The following WNT16 variants were observed in gnomAD, a reference collection of about 807,000 sequenced individuals.
WNT16 encodes the protein protein Wnt-16.
WNT16 carries 20 observed loss-of-function variants against 35.4 expected under a neutral mutation model. That is an observed-to-expected ratio of 0.56 (90% CI 0.40 to 0.82). WNT16 has a LOEUF of 0.82. Ranked by LOEUF, WNT16 falls within the 40% of genes least tolerant of loss-of-function variation. The pLI is 0.00. For synonymous variants in WNT16, 180 were observed against 179.2 expected (o/e 1.00, Z -0.03); for missense variants, 461 against 466.0 (o/e 0.99, Z 0.10).
rs1793353360 is a variant in WNT16, at chr7:121,331,823, C to A, written c.492C>A (p.His164Gln). Reference protein sequence around the residue: ...QNGGSASEGWHWGGCSDDVQY... With the variant: ...QNGGSASEGWQWGGCSDDVQY... ...GCGGCTCAGCAAGTGAAGGCTGGCA[C>A]TGGGGGGGCTGCTCCGATGATGTCC... The change falls in exon 3 of 4, where the codon CAC (histidine) becomes CAA (glutamine). Residue 164 changes from histidine (H) to glutamine (Q), a missense_variant. His to Gln is a conservative substitution (Grantham distance 24, BLOSUM62 0). Transcript: ENST00000222462. The A allele has an allele frequency of 6.2e-7, 1 of 1,614,156 alleles. No individual in the cohort carries two copies. Among genetic ancestry groups the A allele is most frequent in the Non-Finnish European group, 8.5e-7 (1 of 1,180,030 alleles).
chr7:121,327,306 T>C (rs1793260167), upstream of WNT16, among the ~76,000 whole-genome samples: 1 of 151,458 alleles, frequency 6.6e-6, no homozygotes. Flanking sequence ...CTTTTATTGC[T>C]CACTGATTGA....
intron 3 of WNT16, among the ~76,000 whole-genome samples, chr7:121,335,502 C>T (rs1192590704): frequency 4.6e-5 from 7 of 151,968 alleles, no homozygotes; most frequent in African/African-American, 7.2e-5. Flanking sequence ...CTGTTAATAT[C>T]GTTATAAACC....
At chr7:121,325,405 G>A (rs769316286), upstream of WNT16, 1 of 1,599,906 alleles carries the variant, frequency 6.3e-7, no homozygotes, top group Non-Finnish European at 8.5e-7. Flanking sequence ...CAGAAAGATG[G>A]AAAGGCACCC....
At chr7:121,334,749 T>A (rs1429533889) in intron 3 of WNT16, among the ~76,000 whole-genome samples, 2 of 152,134 alleles carry the variant, frequency 1.3e-5, no homozygotes. Context: ...TGTTGCCGAA[T>A]GATGATTGGC....
chr7:121,325,389 C>T (rs777650302), upstream of WNT16: 2 of 1,605,602 alleles, frequency 1.2e-6, no homozygotes, highest in East Asian at 2.2e-5. Context: ...CCACAGAGGG[C>T]AAAGCCAGAA....
chr7:121,329,696 G>T lies in WNT16; in HGVS notation c.225G>T (p.Arg75=), dbSNP rs1368205044. Residue 75 remains arginine, a synonymous_variant, in exon 2 of 4, where the codon CGG becomes CGT. Transcript: ENST00000222462. ...TGCCGAGCATCCGAGAGGGCGCCCG[G>T]CTGGGCATTCAGGAGTGCGGGAGCC... The part of the protein sequence containing the change: ...YLLPSIREGA[R]LGIQECGSQF... 2 of 1,613,750 alleles carry T rather than the reference G, an allele frequency of 1.2e-6. No homozygotes were observed. Among genetic ancestry groups the T allele is most frequent in the Admixed American group, 3.3e-5 (2 of 60,028 alleles).
At chr7:121,333,083 A>G (rs1467841927) in intron 3 of WNT16, among the ~76,000 whole-genome samples, 1 of 152,048 alleles carries the variant, frequency 6.6e-6, no homozygotes. Context: ...CAGGACAGAA[A>G]TATTAGCACA....
intron 3 of WNT16, 24 bp from the exon 4 acceptor site, chr7:121,338,857 G>T: frequency 1.3e-6 from 2 of 1,594,388 alleles, no homozygotes; most frequent in South Asian, 2.2e-5. Flanking sequence ...ATTGATAGTT[G>T]AACACAATTA....
At position 121,329,172 on chromosome 7, in the gene WNT16, T is replaced by C. The variant is rs1022130330; in HGVS notation, c.-121T>C. ...TCACTGCTGGCCTTTTAATGTTGTA[T>C]GCAAGGAGGAAGAGGGCGAGGGATA... On this transcript the variant is annotated 5_prime_UTR_variant, in exon 1 of 4. It removes an upstream start codon present in the reference 5' UTR. Transcript: ENST00000222462. 2 of 1,430,842 alleles carry C rather than the reference T, an allele frequency of 1.4e-6. No individual in the cohort carries two copies. The highest frequency in any genetic ancestry group is 2.9e-5 in the African/African-American group (2 of 69,554). 88.6% of individuals were successfully genotyped at this position (1,430,842 alleles called of 1,614,324 possible).
chr7:121,334,517 G>A (rs1293559736), intron 3 of WNT16, among the ~76,000 whole-genome samples: 1 of 152,010 alleles, frequency 6.6e-6, no homozygotes, highest in Non-Finnish European at 1.5e-5. Flanking sequence ...AATCTAATAG[G>A]CATATTCTTC....
upstream of WNT16, among the ~76,000 whole-genome samples, chr7:121,328,186 T>G (rs903361305): frequency 6.6e-6 from 1 of 152,142 alleles, no homozygotes; most frequent in African/African-American, 2.4e-5. Flanking sequence ...TAGCGAACTT[T>G]CAACTGAGGT....
rs538184954 is a variant in WNT16, at chr7:121,339,163, C to A, written c.916C>A (p.Gln306Lys). 3.1e-6 allele frequency: 5 copies of A among 1,614,212 alleles called. No individual in the cohort carries two copies. Among genetic ancestry groups the A allele is most frequent in the South Asian group, 2.2e-5 (2 of 91,088 alleles). ...EDKKLGIPGT[Q>K]GRECNRTSEG... ...TAAGAAACTGGGAATCCCAGGGACA[C>A]AAGGCAGAGAATGCAACCGTACATC... is the stretch of plus-strand genomic sequence containing the variant. Residue 306 changes from glutamine to lysine, a missense_variant, in exon 4 of 4, where the codon CAA becomes AAA. Coordinates refer to ENST00000222462, the MANE Select transcript of WNT16 (RefSeq NM_057168.2).
Position 121,338,987 on chromosome 7 carries a change from A to G in WNT16, c.740A>G (p.His247Arg), listed in dbSNP as rs1793484610. ...ATGTCTTCTTTTGAAAAGATTGGCC[A>G]TTTGTTGAAGGATAAATATGAAAAC... ...KTMSSFEKIG[H>R]LLKDKYENSI... Residue 247 changes from histidine (H) to arginine (R), a missense_variant, in exon 4 of 4, where the codon CAT becomes CGT. Coordinates refer to ENST00000222462, the MANE Select transcript of WNT16 (RefSeq NM_057168.2). The G allele has an allele frequency of 6.2e-7, 1 of 1,614,166 alleles. No homozygotes were observed. The highest frequency in any genetic ancestry group is 8.5e-7 in the Non-Finnish European group (1 of 1,180,006).
chr7:121,329,171 A>T lies in WNT16; in HGVS notation c.-122A>T. ...ATCACTGCTGGCCTTTTAATGTTGT[A>T]TGCAAGGAGGAAGAGGGCGAGGGAT... On this transcript the variant is annotated 5_prime_UTR_variant, in exon 1 of 4. An upstream start codon of the reference 5' UTR is lost. Transcript: ENST00000222462. 1 of 1,430,744 alleles carries T rather than the reference A, an allele frequency of 7.0e-7. No homozygotes were observed. The highest frequency in any genetic ancestry group is 9.1e-7 in the Non-Finnish European group (1 of 1,096,162). 88.6% of individuals were successfully genotyped at this position (1,430,744 alleles called of 1,614,324 possible).
intron 3 of WNT16, among the ~76,000 whole-genome samples, chr7:121,337,526 CA>C (rs1793463185): frequency 6.6e-6 from 1 of 152,006 alleles, no homozygotes; most frequent in South Asian, 2.1e-4. Flanking sequence ...ACATAATTTC[CA>C]AGTTATTGAA....
chr7:121,328,059 C>G (rs1793271224), upstream of WNT16, among the ~76,000 whole-genome samples: 2 of 152,130 alleles, frequency 1.3e-5, no homozygotes, highest in Admixed American at 1.3e-4. Flanking sequence ...TTATAAATTC[C>G]CACAGGACTA....
chr7:121,334,512 A>G (rs1271238578), intron 3 of WNT16, among the ~76,000 whole-genome samples: 2 of 152,142 alleles, frequency 1.3e-5, no homozygotes, highest in Non-Finnish European at 2.9e-5. Context: ...ATTTTAATCT[A>G]ATAGGCATAT....
chr7:121,331,690 C>G lies in WNT16; in HGVS notation c.359C>G (p.Thr120Arg), dbSNP rs201769567. 1.2e-6 allele frequency: 2 copies of G among 1,605,420 alleles called. No homozygotes were observed. The highest frequency in any genetic ancestry group is 1.3e-5 in the African/African-American group (1 of 74,906). ...ATATTTTTTCTAGGCACCAAAGAGA[C>G]AGCATTTATTTATGCTGTGATGGCT... ...GYELSSGTKE[T>R]AFIYAVMAAG... Residue 120 changes from threonine to arginine, a missense_variant, in exon 3 of 4, where the codon ACA becomes AGA. Physicochemically the swap from Thr to Arg is moderately conservative, Grantham distance 71. Coordinates refer to ENST00000222462, the MANE Select transcript of WNT16 (RefSeq NM_057168.2).
chr7:121,331,972 T>C lies in WNT16; in HGVS notation c.633+8T>C. 1 of 1,612,650 alleles carries C rather than the reference T, an allele frequency of 6.2e-7. No homozygotes were observed. The highest frequency in any genetic ancestry group is 1.1e-5 in the South Asian group (1 of 91,028). On this transcript the variant is annotated splice_region_variant and intron_variant, in intron 3 of 3. Coordinates refer to ENST00000222462, the MANE Select transcript of WNT16 (RefSeq NM_057168.2). ...AATGAAGCTGGAAGGCAGGTATGTA[T>C]TAGAAAATGGAATAATCAAAACCCA...
Sources: allele counts gnomAD v4.1 joint callset (sites outside exome capture counted in the v4.1 genomes callset), GRCh38; gene constraint gnomAD v4.1.1; transcripts MANE v1.5; gene names NCBI Gene and HGNC (gene_info 2026-07-23, HGNC 2026-07-21).